VAV2: variants seen among roughly 807,000 people sequenced by gnomAD.
VAV2 encodes guanine nucleotide exchange factor VAV2.
In VAV2, 67 loss-of-function variants were observed where a neutral mutation model predicts 132.5. That is an observed-to-expected ratio of 0.51 (90% CI 0.42 to 0.62). The LOEUF (loss-of-function observed/expected upper bound fraction) is 0.62, where lower values mean the gene tolerates loss of function less well. VAV2 is among the 20% of genes least tolerant of loss of function. The pLI, the probability that VAV2 is intolerant of heterozygous loss-of-function variation, is 0.00. For missense variants in VAV2, 938 were observed against 1,153.6 expected (o/e 0.81, Z 2.71); for synonymous variants, 492 against 443.5 (o/e 1.11, Z -1.37).
At chr9:133,835,229 C>A (rs144216198) in intron 3 of VAV2, among the ~76,000 whole-genome samples, 47 of 152,168 alleles carry the variant, frequency 3.1e-4, no homozygotes, top group African/African-American at 1.0e-3. Flanking sequence ...TGGAAGGAAG[C>A]GCTTTTTCCT....
intron 3 of VAV2, among the ~76,000 whole-genome samples, chr9:133,845,233 G>A (rs890546868): frequency 1.3e-5 from 2 of 152,262 alleles, no homozygotes; most frequent in Admixed American, 1.3e-4. Flanking sequence ...GACGCGCTGG[G>A]CCAGGCCGGG....
chr9:133,904,897 T>C (rs1403277263), intron 2 of VAV2, among the ~76,000 whole-genome samples: 1 of 151,578 alleles, frequency 6.6e-6, no homozygotes, highest in Non-Finnish European at 1.5e-5. Context: ...TCGTCCACCA[T>C]ACAGGGCCAC....
intron 1 of VAV2, among the ~76,000 whole-genome samples, chr9:133,986,927 GC>G (rs1442774951): frequency 1.3e-5 from 2 of 152,120 alleles, no homozygotes; most frequent in African/African-American, 2.4e-5. Flanking sequence ...AGCAGGGACA[GC>G]CCCGGCCTGT....
At chr9:133,848,279 C>CAAAAAAAAAAAAAAAAAAAAA (rs34908811) in intron 3 of VAV2, among the ~76,000 whole-genome samples, 2 of 48,624 alleles carry the variant, frequency 4.1e-5, no homozygotes, top group Non-Finnish European at 6.0e-5. Context: ...GACTCCGTCT[C>CAAAAAAAAAAAAAAAAAAAAA]AAAAAAAAAA....
intron 25 of VAV2, 54 bp from the exon 26 acceptor site, chr9:133,772,100 C>A (rs1833650802): frequency 2.0e-6 from 3 of 1,486,680 alleles, no homozygotes; most frequent in African/African-American, 1.4e-5. Flanking sequence ...ACGGCCCCGG[C>A]CCCCTTGGCA....
At chr9:133,812,295 A>T (rs760563009) in intron 4 of VAV2, 79 bp from the exon 5 acceptor site, 33 of 1,429,486 alleles carry the variant, frequency 2.3e-5, no homozygotes, top group Non-Finnish European at 3.0e-5. Context: ...ACGAGGGTCC[A>T]CGAGGGACGC....
At chr9:133,806,370 G>A (rs994047482) in intron 8 of VAV2, among the ~76,000 whole-genome samples, 189 bp from the exon 9 acceptor site, 3 of 152,204 alleles carry the variant, frequency 2.0e-5, no homozygotes, top group African/African-American at 4.8e-5. Flanking sequence ...TGGCGATGGT[G>A]CAACAGAAGA....
chr9:133,795,691 T>C lies in VAV2; in HGVS notation c.1078A>G (p.Lys360Glu), dbSNP rs1834681758. ...ACCTGCATGGCTTCCAGTGCTTCTTTGAGCTGCTGCCTCTCAGGCCGTTCC... is the reference window on the plus strand; with the variant it reads ...ACCTGCATGGCTTCCAGTGCTTCTTCGAGCTGCTGCCTCTCAGGCCGTTCC... ...SAERPERQQL[K>E]EALEAMQDLA... The change falls in exon 12 of 30, where the codon AAA becomes GAA. Residue 360 changes from lysine to glutamate, a missense_variant. By Grantham distance (56) the Lys-to-Glu change is moderately conservative (BLOSUM62 1). Coordinates refer to ENST00000371850, the MANE Select transcript of VAV2 (RefSeq NM_001134398.2). 5.6e-6 allele frequency: 9 copies of C among 1,614,058 alleles called. No homozygotes were observed. Among genetic ancestry groups the C allele is most frequent in the Non-Finnish European group, 7.6e-6 (9 of 1,180,004 alleles).
At position 133,884,761 on chromosome 9, in the gene VAV2, T is replaced by G. The variant is rs2131949923; in HGVS notation, c.322-23329A>C. Reference sequence around the variant, plus strand: ...ATTCACTCAAAACACACGGATAAGCTTGACGGCTCCGTGAGAATGCTGGTA... The same window carrying G: ...ATTCACTCAAAACACACGGATAAGCGTGACGGCTCCGTGAGAATGCTGGTA... On this transcript the variant is annotated intron_variant, in intron 2 of 29. Coordinates refer to ENST00000371850, the MANE Select transcript of VAV2 (RefSeq NM_001134398.2). This position sits in a 1 kb window ranked among gnomAD's most constrained non-coding sequence, Gnocchi z 5.3. Among the ~76,000 whole-genome samples, 1 of 152,322 alleles carries G rather than the reference T, an allele frequency of 6.6e-6. No homozygotes were observed. Among genetic ancestry groups the G allele is most frequent in the Non-Finnish European group, 1.5e-5 (1 of 68,030 alleles).
At chr9:133,798,166 C>A (rs1002638173) in intron 9 of VAV2, among the ~76,000 whole-genome samples, 6 of 152,192 alleles carry the variant, frequency 3.9e-5, no homozygotes, top group African/African-American at 1.4e-4. Flanking sequence ...GACATCCCCC[C>A]AGGAAAGAAG....
At chr9:133,909,363 G>A (rs1453905860) in intron 2 of VAV2, among the ~76,000 whole-genome samples, 3 of 152,174 alleles carry the variant, frequency 2.0e-5, no homozygotes, top group African/African-American at 7.2e-5. Flanking sequence ...CTCAGTTCTC[G>A]CACTGCTAAC....
chr9:133,858,933 A>G (rs1837489811), intron 3 of VAV2, among the ~76,000 whole-genome samples: 1 of 152,146 alleles, frequency 6.6e-6, no homozygotes, highest in Non-Finnish European at 1.5e-5. Flanking sequence ...CCGACCTGAG[A>G]GGGAAGAGGG....
chr9:133,971,335 G>A (rs564670980), intron 1 of VAV2, among the ~76,000 whole-genome samples: 79 of 152,270 alleles, frequency 5.2e-4, no homozygotes, highest in East Asian at 1.7e-3. Context: ...AGGGGCAGCC[G>A]CAAGCAGGCA....
At chr9:133,958,688 C>T (rs190712129) in intron 1 of VAV2, among the ~76,000 whole-genome samples, 7 of 152,312 alleles carry the variant, frequency 4.6e-5, no homozygotes, top group Admixed American at 6.5e-5. Flanking sequence ...CCAAGTCTCT[C>T]GTTCCACCTT....
At chr9:133,767,940 T>C (rs1833489833) in intron 29 of VAV2, among the ~76,000 whole-genome samples, 1 of 152,138 alleles carries the variant, frequency 6.6e-6, no homozygotes, top group Non-Finnish European at 1.5e-5. Context: ...GCCAGGGCAC[T>C]CTTAGGCCCA....
At chr9:133,891,744 AGG>A (rs2131977484) in intron 2 of VAV2, among the ~76,000 whole-genome samples, 1 of 33,140 alleles carries the variant, frequency 3.0e-5, no homozygotes, top group Non-Finnish European at 5.6e-5. Flanking sequence ...GGAGGCATGG[AGG>A]AGAGGCAGGG....
intron 2 of VAV2, among the ~76,000 whole-genome samples, chr9:133,931,910 T>C (rs1280025488): frequency 6.6e-6 from 1 of 152,058 alleles, no homozygotes; most frequent in East Asian, 1.9e-4. Context: ...ACCAGTTGCT[T>C]AGGTGGGGAT....
intron 2 of VAV2, among the ~76,000 whole-genome samples, chr9:133,881,496 C>G (rs927257849): frequency 4.6e-5 from 7 of 152,130 alleles, no homozygotes; most frequent in South Asian, 2.1e-4. Context: ...CCAGGCAGCT[C>G]GAGCCTCCAG....
chr9:133,979,419 G>A (rs1033896567), intron 1 of VAV2, among the ~76,000 whole-genome samples: 3 of 151,662 alleles, frequency 2.0e-5, no homozygotes, highest in Non-Finnish European at 2.9e-5. Context: ...AACCACACAC[G>A]AAGCCAGGCC....
Sources: allele counts gnomAD v4.1 joint callset (sites outside exome capture counted in the v4.1 genomes callset), GRCh38; gene constraint gnomAD v4.1.1; non-coding constraint Gnocchi (gnomAD v3.1); transcripts MANE v1.5; gene names NCBI Gene and HGNC (gene_info 2026-07-23, HGNC 2026-07-21).